The following TBC1D5 variants were observed in gnomAD, a reference collection of about 807,000 sequenced individuals.
The protein encoded by TBC1D5 is TBC1 domain family member 5.
TBC1D5 carries 75 observed loss-of-function variants against 100.3 expected under a neutral mutation model. That is an observed-to-expected ratio of 0.75 (90% CI 0.62 to 0.91). The LOEUF (loss-of-function observed/expected upper bound fraction) is 0.91. Among genes scored for constraint, TBC1D5 ranks in the 40% least tolerant of loss-of-function variants. TBC1D5 has a pLI of 0.00. For synonymous variants in TBC1D5, 323 were observed against 325.6 expected (o/e 0.99, Z 0.09); for missense variants, 910 against 942.4 (o/e 0.97, Z 0.45).
chr3:17,466,269 A>T (rs2095299958), intron 3 of TBC1D5, among the ~76,000 whole-genome samples: 1 of 152,228 alleles, frequency 6.6e-6, no homozygotes, highest in African/African-American at 2.4e-5. Context: ...TTACTAGCTA[A>T]AATATGAATC....
At chr3:17,599,710 C>T (rs940391422) in intron 2 of TBC1D5, among the ~76,000 whole-genome samples, 1 of 152,116 alleles carries the variant, frequency 6.6e-6, no homozygotes, top group Non-Finnish European at 1.5e-5. Context: ...TCAAGAGGAG[C>T]CCAAAAGTGC....
intron 13 of TBC1D5, among the ~76,000 whole-genome samples, chr3:17,321,237 T>A (rs2085363975): frequency 3.3e-5 from 5 of 152,106 alleles, no homozygotes; most frequent in Admixed American, 3.3e-4. Context: ...TCAGTTACTT[T>A]AAAAAAACAT....
chr3:17,363,486 G>T (rs2091881915), intron 13 of TBC1D5, among the ~76,000 whole-genome samples: 3 of 150,758 alleles, frequency 2.0e-5, no homozygotes, highest in Admixed American at 1.3e-4. Context: ...TAGAGACAGG[G>T]TCTACTCCCA....
intron 19 of TBC1D5, among the ~76,000 whole-genome samples, chr3:17,184,183 C>G (rs963614224): frequency 2.6e-5 from 4 of 152,150 alleles, no homozygotes; most frequent in African/African-American, 9.7e-5. Context: ...AGCACCTTTA[C>G]AAATGCAGAG....
intron 15 of TBC1D5, among the ~76,000 whole-genome samples, chr3:17,290,581 CT>C (rs1316999700): frequency 6.6e-6 from 1 of 152,192 alleles, no homozygotes; most frequent in Non-Finnish European, 1.5e-5. Context: ...TGCCCTAAGT[CT>C]GTAGATCAAA....
At chr3:17,586,045 G>C (rs2096730810) in intron 2 of TBC1D5, among the ~76,000 whole-genome samples, 1 of 152,122 alleles carries the variant, frequency 6.6e-6, no homozygotes, top group Non-Finnish European at 1.5e-5. Context: ...AAGTCTGCTG[G>C]TGGGAAACCA....
At chr3:17,422,199 T>G (rs1349459803) in intron 4 of TBC1D5, among the ~76,000 whole-genome samples, 3 of 152,106 alleles carry the variant, frequency 2.0e-5, no homozygotes, top group Non-Finnish European at 4.4e-5. Context: ...GAGACAGTTT[T>G]TTTTTATCAC....
chr3:17,440,056 C>T (rs7644020), intron 3 of TBC1D5, among the ~76,000 whole-genome samples: 59,766 of 152,090 alleles, frequency 0.39, 12,409 homozygotes, highest in Middle Eastern at 0.46. Context: ...CAAGTGCTGA[C>T]GTTATAGCGG....
chr3:17,552,626 A>G (rs572541220), intron 2 of TBC1D5, among the ~76,000 whole-genome samples: 1 of 152,278 alleles, frequency 6.6e-6, no homozygotes, highest in East Asian at 1.9e-4. Context: ...TACTGGTGGG[A>G]GACAGAAAAT....
At chr3:17,435,360 T>A (rs2094517361) in intron 3 of TBC1D5, among the ~76,000 whole-genome samples, 2 of 152,320 alleles carry the variant, frequency 1.3e-5, no homozygotes, top group Non-Finnish European at 2.9e-5. Flanking sequence ...TACCCAAGAC[T>A]GGGTAATTTA....
chr3:17,371,678 C>T (rs1314825922), intron 13 of TBC1D5, among the ~76,000 whole-genome samples: 1 of 152,120 alleles, frequency 6.6e-6, no homozygotes, highest in Non-Finnish European at 1.5e-5. Flanking sequence ...GGAGAAGGAA[C>T]AGTTGTTATT....
At chr3:17,208,232 C>T (rs1382759996) in intron 18 of TBC1D5, among the ~76,000 whole-genome samples, 2 of 152,196 alleles carry the variant, frequency 1.3e-5, no homozygotes, top group African/African-American at 4.8e-5. Context: ...CAACTGTGCA[C>T]TGTTGGAAGC....
At chr3:17,355,573 G>A (rs1279502416) in intron 13 of TBC1D5, among the ~76,000 whole-genome samples, 3 of 152,044 alleles carry the variant, frequency 2.0e-5, no homozygotes, top group African/African-American at 4.8e-5. Context: ...TGGTTTTGCT[G>A]TATGACATTT....
chr3:17,273,095 A>T (rs2079600351), intron 15 of TBC1D5, among the ~76,000 whole-genome samples: 1 of 152,118 alleles, frequency 6.6e-6, no homozygotes, highest in East Asian at 1.9e-4. Flanking sequence ...CGTACCCTAA[A>T]TATGTAAACA....
intron 18 of TBC1D5, among the ~76,000 whole-genome samples, chr3:17,190,781 G>A (rs1467868349): frequency 6.6e-6 from 1 of 152,092 alleles, no homozygotes; most frequent in Admixed American, 6.6e-5. Context: ...CTTCTAAGTG[G>A]GTGTCCTCAG....
At chr3:17,487,499 GGGTTA>G (rs1385581314) in intron 3 of TBC1D5, among the ~76,000 whole-genome samples, 1 of 152,160 alleles carries the variant, frequency 6.6e-6, no homozygotes. Flanking sequence ...AGAAGGTCAT[GGGTTA>G]CAAAGACCAC....
chr3:17,413,595 A>G (rs1191656219), intron 4 of TBC1D5, among the ~76,000 whole-genome samples: 1 of 152,200 alleles, frequency 6.6e-6, no homozygotes, highest in East Asian at 1.9e-4. Context: ...AGTACCTTCT[A>G]AATTTGTTAA....
chr3:17,355,030 C>T (rs1216667696), intron 13 of TBC1D5, among the ~76,000 whole-genome samples: 1 of 152,092 alleles, frequency 6.6e-6, no homozygotes, highest in African/African-American at 2.4e-5. Context: ...AGCTGAAAAT[C>T]CAAATCTGGC....
At chr3:17,591,253 A>AAAAAAAC (rs2096768257) in intron 2 of TBC1D5, among the ~76,000 whole-genome samples, 12 of 137,190 alleles carry the variant, frequency 8.7e-5, no homozygotes, top group Non-Finnish European at 1.4e-4. Flanking sequence ...AAAAAAAAAA[A>AAAAAAAC]AAAAAAAAAA....
Sources: allele counts gnomAD v4.1 joint callset (sites outside exome capture counted in the v4.1 genomes callset), GRCh38; gene constraint gnomAD v4.1.1; transcripts MANE v1.5; gene names NCBI Gene and HGNC (gene_info 2026-07-23, HGNC 2026-07-21).